The following ZFP14 variants were observed in gnomAD, a reference collection of about 807,000 sequenced individuals.
ZFP14 encodes zinc finger protein 14 homolog.
ZFP14 carries 22 observed loss-of-function variants against 54.5 expected under a neutral mutation model. The ratio of observed to expected loss-of-function variants is 0.40; its 90% CI spans 0.29 to 0.58. The LOEUF (loss-of-function observed/expected upper bound fraction) is 0.58. Among genes scored for constraint, ZFP14 ranks in the 20% least tolerant of loss-of-function variants. The pLI is 0.39. For synonymous variants in ZFP14, 159 were observed against 204.0 expected (o/e 0.78, Z 1.88); for missense variants, 470 against 637.8 (o/e 0.74, Z 2.83).
At chr19:36,348,434 C>G (rs2031457046) in intron 4 of ZFP14, among the ~76,000 whole-genome samples, 1 of 152,096 alleles carries the variant, frequency 6.6e-6, no homozygotes, top group Admixed American at 6.5e-5. Context: ...AGGGTAACAC[C>G]AGCTGACTCC....
At chr19:36,362,917 CT>C (rs1199855562) in intron 2 of ZFP14, 2 of 215,584 alleles carry the variant, frequency 9.3e-6, no homozygotes, top group Non-Finnish European at 2.0e-5. Flanking sequence ...CTTTAGTAAA[CT>C]TTCAAAAATT....
In ZFP14 at chr19:36,352,513, A is replaced by G. The variant is rs1485979439; in HGVS notation, c.235+7922T>C. Among the ~76,000 whole-genome samples, 2 of 142,750 alleles carry G rather than the reference A, an allele frequency of 1.4e-5. 1 individual carries two copies. The highest frequency in any genetic ancestry group is 5.1e-5 in the African/African-American group (2 of 38,936). 93.6% of individuals were successfully genotyped at this position (142,750 alleles called of 152,430 possible). On this transcript the variant is annotated intron_variant, in intron 4 of 4. Transcript: ENST00000270001. ...AAAATACATCAATTAATAGACAAAA[A>G]TGACTGGGCACAGTGGCTCACACCT...
chr19:36,361,836 C>T (rs1600079705), intron 3 of ZFP14, among the ~76,000 whole-genome samples: 1 of 152,252 alleles, frequency 6.6e-6, no homozygotes, highest in East Asian at 1.9e-4. Context: ...CAATTCTGAG[C>T]TCCAATATAA....
intron 2 of ZFP14, among the ~76,000 whole-genome samples, chr19:36,364,249 G>A (rs977754904): frequency 2.0e-5 from 3 of 152,154 alleles, no homozygotes; most frequent in Non-Finnish European, 2.9e-5. Flanking sequence ...CAATTTGTTC[G>A]ATGCATATAT....
chr19:36,372,605 C>G (rs143051321), intron 1 of ZFP14, among the ~76,000 whole-genome samples: 123 of 152,308 alleles, frequency 8.1e-4, no homozygotes, highest in African/African-American at 2.9e-3. Flanking sequence ...GTAACCCCAA[C>G]ATTTTGGGAA....
Position 36,339,715 on chromosome 19 carries a change from A to C in ZFP14, c.*509T>G, listed in dbSNP as rs967025542. ...CTGGATGTGGATCCTTCCCCAGTTG[A>C]GCCTTCAGATGAGACCTCAGCCCTG... On this transcript the variant is annotated 3_prime_UTR_variant, in exon 5 of 5. Transcript: ENST00000270001. 1.3e-5 allele frequency: 2 copies of C among 152,814 alleles called. No individual in the cohort carries two copies. Among genetic ancestry groups the C allele is most frequent in the East Asian group, 3.8e-4 (2 of 5,202 alleles). 9.5% of individuals were successfully genotyped at this position (152,814 alleles called of 1,614,324 possible).
At chr19:36,364,469 G>A (rs1446456538) in intron 2 of ZFP14, among the ~76,000 whole-genome samples, 3 of 152,126 alleles carry the variant, frequency 2.0e-5, no homozygotes, top group Admixed American at 1.3e-4. Context: ...TGAGGACGAC[G>A]AGGGGTGTAA....
Position 36,338,952 on chromosome 19 carries a change from A to T in ZFP14, c.*1272T>A, listed in dbSNP as rs1444545139. 6.6e-6 allele frequency: 1 copy of T among 152,232 alleles called. No homozygotes were observed. The highest frequency in any genetic ancestry group is 6.5e-5 in the Admixed American group (1 of 15,290). The allele number at this position is 152,232 out of a possible 1,614,324, so 9.4% of individuals were successfully genotyped here. A position where few individuals can be genotyped will look rare whatever the true frequency, so the allele number is the denominator to read the frequency against. On this transcript the variant is annotated 3_prime_UTR_variant, in exon 5 of 5. Coordinates refer to ENST00000270001, the MANE Select transcript of ZFP14 (RefSeq NM_020917.3). Reference sequence around the variant, plus strand: ...TAATTTTAAACTGTGGTCAGACAACAGGGATTGTAAGCCTTTTGCTTTCTG... The same window carrying T: ...TAATTTTAAACTGTGGTCAGACAACTGGGATTGTAAGCCTTTTGCTTTCTG...
chr19:36,347,282 T>C (rs1600069296), intron 4 of ZFP14, among the ~76,000 whole-genome samples: 1 of 152,206 alleles, frequency 6.6e-6, no homozygotes, highest in East Asian at 1.9e-4. Context: ...GGGACTACTA[T>C]GACAACCAAG....
At chr19:36,349,387 G>A (rs1293925410) in intron 4 of ZFP14, among the ~76,000 whole-genome samples, 1 of 151,452 alleles carries the variant, frequency 6.6e-6, no homozygotes, top group African/African-American at 2.4e-5. Flanking sequence ...TTTACAGGCT[G>A]GGCACAGTGG....
At chr19:36,343,671 G>A (rs1365089254) in intron 4 of ZFP14, among the ~76,000 whole-genome samples, 2 of 152,132 alleles carry the variant, frequency 1.3e-5, no homozygotes, top group African/African-American at 2.4e-5. Flanking sequence ...ACGGATTAAG[G>A]AGTTTATTTC....
intron 4 of ZFP14, among the ~76,000 whole-genome samples, chr19:36,355,275 T>A (rs2031594770): frequency 7.0e-6 from 1 of 143,172 alleles, no homozygotes; most frequent in African/African-American, 2.6e-5. Context: ...AAAATTTGAA[T>A]GTTGAGCCCT....
chr19:36,354,370 C>A lies in ZFP14; in HGVS notation c.235+6065G>T, dbSNP rs1246596410. On this transcript the variant is annotated intron_variant, in intron 4 of 4. Transcript: ENST00000270001. ...TGGGCGACAGAGAGAGATTCCATCT[C>A]AAAAAAAAAAAAAAAAAGTCAAATG... 5.0e-3 allele frequency among the ~76,000 whole-genome samples: 493 copies of A among 98,650 alleles called. 1 individual carries two copies. The highest frequency in any genetic ancestry group is 6.1e-3 in the Non-Finnish European group (284 of 46,216). 64.7% of individuals were successfully genotyped at this position (98,650 alleles called of 152,430 possible).
chr19:36,369,833 T>G (rs925565933), intron 1 of ZFP14, among the ~76,000 whole-genome samples: 1 of 151,248 alleles, frequency 6.6e-6, no homozygotes, highest in Admixed American at 6.6e-5. Context: ...CAGTAGGTTT[T>G]GTTTTGTTTT....
Position 36,340,211 on chromosome 19 carries a change from AGG to A in ZFP14, c.*11_*12del. On this transcript the variant is annotated 3_prime_UTR_variant, in exon 5 of 5. Coordinates refer to ENST00000270001, the MANE Select transcript of ZFP14 (RefSeq NM_020917.3). This position sits in a 1 kb window ranked among gnomAD's most constrained non-coding sequence, Gnocchi z 5.4. ...GTTCTGTAACATCATATACATTTGA[AGG>A]CTTTCTTCTATTAAATTCCATTATG... 1 of 1,542,674 alleles carries A rather than the reference AGG, an allele frequency of 6.5e-7. No individual in the cohort carries two copies. The highest frequency in any genetic ancestry group is 8.7e-7 in the Non-Finnish European group (1 of 1,147,004).
intron 4 of ZFP14, among the ~76,000 whole-genome samples, chr19:36,353,596 G>C (rs2031564776): frequency 7.2e-6 from 1 of 138,780 alleles, no homozygotes; most frequent in Non-Finnish European, 1.6e-5. Context: ...CTACTCGGGA[G>C]GCTGAGGCAG....
At chr19:36,365,935 G>C (rs1255261123) in intron 2 of ZFP14, among the ~76,000 whole-genome samples, 1 of 150,456 alleles carries the variant, frequency 6.6e-6, no homozygotes, top group Admixed American at 6.7e-5. Flanking sequence ...ATTCCGGCCT[G>C]GGTGACTGAG....
chr19:36,342,850 T>C (rs2031347602), intron 4 of ZFP14, among the ~76,000 whole-genome samples: 1 of 152,208 alleles, frequency 6.6e-6, no homozygotes, highest in Non-Finnish European at 1.5e-5. Context: ...TCTTTCCTAC[T>C]GAACATTATA....
At chr19:36,378,875 T>G (rs1369136712) in intron 1 of ZFP14, 1 of 152,290 alleles carries the variant, frequency 6.6e-6, no homozygotes, top group African/African-American at 2.4e-5. Flanking sequence ...CCCCGCAGTT[T>G]CCATGGGAGG....
Sources: gnomAD v4.1 joint callset for allele counts (sites outside exome capture counted in the v4.1 genomes callset) on GRCh38, gnomAD v4.1.1 for gene constraint, Gnocchi (gnomAD v3.1) non-coding constraint, MANE v1.5 for transcripts, NCBI Gene and HGNC (gene_info 2026-07-23, HGNC 2026-07-21) for gene names.